MGAT4D: variants seen among roughly 807,000 people sequenced by gnomAD.
MGAT4D encodes alpha-1,3-mannosyl-glycoprotein 4-beta-N-acetylglucosaminyltransferase-like protein MGAT4D.
Under a neutral mutation model 15.9 loss-of-function variants are expected in MGAT4D, and 34 were observed. The observed-to-expected ratio is 2.14, with a 90% CI of 1.62 to 2.84. The LOEUF is 2.84. MGAT4D is among the 30% of genes most tolerant of loss of function. MGAT4D has a pLI of 0.00. For missense variants in MGAT4D, 327 were observed against 140.2 expected (o/e 2.33, Z -6.73); for synonymous variants, 112 against 48.2 (o/e 2.33, Z -5.49).
Position 140,486,641 on chromosome 4 carries a change from G to A in MGAT4D, c.95-4156C>T, listed in dbSNP as rs569617143. Among the ~76,000 whole-genome samples, 73 of 152,242 alleles carry A rather than the reference G, an allele frequency of 4.8e-4. 1 individual carries two copies. Among genetic ancestry groups the A allele is most frequent in the Middle Eastern group, 3.4e-3 (1 of 294 alleles). On this transcript the variant is annotated intron_variant, in intron 1 of 10. Coordinates refer to ENST00000511113, the MANE Select transcript of MGAT4D (RefSeq NM_001277353.2). Reference sequence around the variant, plus strand: ...CAGAGATTTCTAGAATGAGAGCAGCGAGAACATTTTACTACTAAATTCCAA... The same window carrying A: ...CAGAGATTTCTAGAATGAGAGCAGCAAGAACATTTTACTACTAAATTCCAA...
At chr4:140,483,741 C>T (rs965164676) in intron 1 of MGAT4D, among the ~76,000 whole-genome samples, 4 of 152,018 alleles carry the variant, frequency 2.6e-5, no homozygotes, top group African/African-American at 9.7e-5. Context: ...GACAAAGTTT[C>T]CAAGAACACA....
At chr4:140,493,249 G>A (rs549053624) in intron 1 of MGAT4D, among the ~76,000 whole-genome samples, 1 of 150,076 alleles carries the variant, frequency 6.7e-6, no homozygotes, top group African/African-American at 2.5e-5. Context: ...ATGATACTAC[G>A]GTACTCTCCC....
intron 1 of MGAT4D, among the ~76,000 whole-genome samples, chr4:140,482,973 C>T (rs1448841058): frequency 6.6e-6 from 1 of 152,062 alleles, no homozygotes; most frequent in African/African-American, 2.4e-5. Flanking sequence ...ACCAAAGTGC[C>T]CAACAGTAGG....
chr4:140,447,772 C>T (rs1487417210), intron 10 of MGAT4D, among the ~76,000 whole-genome samples: 1 of 151,932 alleles, frequency 6.6e-6, no homozygotes, highest in Non-Finnish European at 1.5e-5. Flanking sequence ...ATTATGCAAA[C>T]CTGTTTGTGT....
At chr4:140,470,883 TATAA>T in intron 5 of MGAT4D, among the ~76,000 whole-genome samples, 2 of 146,248 alleles carry the variant, frequency 1.4e-5, no homozygotes, top group South Asian at 4.5e-4. Flanking sequence ...TCCTTTATTT[TATAA>T]TTTTTTTTTT....
At chr4:140,486,880 T>A (rs947565254) in intron 1 of MGAT4D, among the ~76,000 whole-genome samples, 2 of 152,150 alleles carry the variant, frequency 1.3e-5, no homozygotes, top group African/African-American at 4.8e-5. Flanking sequence ...TAGAGGGAGA[T>A]GTAGTTTAAG....
chr4:140,474,665 G>C lies in MGAT4D; in HGVS notation c.525+148C>G, dbSNP rs1423879321. ...GTATCGAAGAAGTATTAAGTATGTT[G>C]TCTGGTATCCAAAAAAGGCATCTAT... On this transcript the variant is annotated intron_variant, in intron 4 of 10. Coordinates refer to ENST00000511113, the MANE Select transcript of MGAT4D (RefSeq NM_001277353.2). The C allele has an allele frequency of 7.1e-6, 3 of 422,242 alleles. No individual in the cohort carries two copies. The East Asian group carries it at 1.1e-4, about 15-fold the overall frequency. 26.2% of individuals were successfully genotyped at this position (422,242 alleles called of 1,614,324 possible). A position where few individuals can be genotyped will look rare whatever the true frequency, so the allele number is the denominator to read the frequency against.
intron 1 of MGAT4D, 110 bp from the exon 2 acceptor site, chr4:140,482,595 C>A: frequency 2.1e-6 from 1 of 475,984 alleles, no homozygotes; most frequent in Admixed American, 4.0e-5. Flanking sequence ...ATATATAGTA[C>A]TATATATGTA....
At chr4:140,468,449 G>A (rs1385400086) in intron 5 of MGAT4D, among the ~76,000 whole-genome samples, 1 of 152,124 alleles carries the variant, frequency 6.6e-6, no homozygotes, top group African/African-American at 2.4e-5. Context: ...GGCTTACAAT[G>A]ATGCGGTCAT....
intron 10 of MGAT4D, 33 bp from the exon 11 acceptor site, chr4:140,443,477 A>G: frequency 1.9e-6 from 1 of 516,188 alleles, no homozygotes; most frequent in South Asian, 2.4e-5. Flanking sequence ...AACATCTAGA[A>G]ATAATATATT....
chr4:140,466,102 A>G (rs905984573), intron 5 of MGAT4D, among the ~76,000 whole-genome samples: 2 of 152,180 alleles, frequency 1.3e-5, no homozygotes, highest in Non-Finnish European at 2.9e-5. Context: ...TGATAAGCCT[A>G]CATGATATTT....
At chr4:140,491,602 A>T (rs955265418) in intron 1 of MGAT4D, among the ~76,000 whole-genome samples, 1 of 151,958 alleles carries the variant, frequency 6.6e-6, no homozygotes, top group Non-Finnish European at 1.5e-5. Flanking sequence ...ATTGCAGGTC[A>T]TCTACAAGAA....
At chr4:140,464,304 T>A (rs563436425) in intron 6 of MGAT4D, among the ~76,000 whole-genome samples, 3 of 152,340 alleles carry the variant, frequency 2.0e-5, no homozygotes, top group African/African-American at 7.2e-5. Flanking sequence ...CTTACCACAC[T>A]AATACCCCAA....
At chr4:140,490,737 A>G (rs1371981214) in intron 1 of MGAT4D, among the ~76,000 whole-genome samples, 1 of 152,234 alleles carries the variant, frequency 6.6e-6, no homozygotes, top group East Asian at 1.9e-4. Context: ...CATTTGCTTG[A>G]TAACATAATG....
chr4:140,447,741 T>C (rs1015573035), intron 10 of MGAT4D, among the ~76,000 whole-genome samples: 6 of 152,242 alleles, frequency 3.9e-5, no homozygotes, highest in African/African-American at 1.4e-4. Flanking sequence ...TTTGATCCTG[T>C]CATTGTGTTG....
intron 1 of MGAT4D, among the ~76,000 whole-genome samples, chr4:140,489,403 T>A (rs1163223020): frequency 6.6e-6 from 1 of 152,096 alleles, no homozygotes; most frequent in Non-Finnish European, 1.5e-5. Flanking sequence ...ATAAGACAGT[T>A]TAAAGGATAA....
intron 3 of MGAT4D, among the ~76,000 whole-genome samples, chr4:140,477,308 C>G (rs141738110): frequency 1.2e-4 from 19 of 152,304 alleles, no homozygotes; most frequent in African/African-American, 4.6e-4. Context: ...TATCACAGCA[C>G]CAGTCACTTT....
chr4:140,450,930 T>A (rs763642458), intron 10 of MGAT4D, among the ~76,000 whole-genome samples: 2 of 152,164 alleles, frequency 1.3e-5, no homozygotes, highest in South Asian at 4.1e-4. Flanking sequence ...AAAAATATTA[T>A]ATCTGAAAAT....
intron 9 of MGAT4D, among the ~76,000 whole-genome samples, chr4:140,452,266 G>A (rs1048268281): frequency 1.3e-5 from 2 of 151,914 alleles, no homozygotes; most frequent in African/African-American, 4.8e-5. Flanking sequence ...TTTATACATA[G>A]AAGATTCAGA....
Sources: gnomAD v4.1 joint callset for allele counts (sites outside exome capture counted in the v4.1 genomes callset) on GRCh38, gnomAD v4.1.1 for gene constraint, MANE v1.5 for transcripts, NCBI Gene and HGNC (gene_info 2026-07-23, HGNC 2026-07-21) for gene names.